The following KCNIP4 variants were observed in gnomAD, a reference collection of about 807,000 sequenced individuals.
KCNIP4 encodes potassium voltage-gated channel interacting protein 4.
Under a neutral mutation model 34.0 loss-of-function variants are expected in KCNIP4, and 12 were observed. The observed-to-expected ratio is 0.35, with a 90% CI of 0.23 to 0.57. The LOEUF (loss-of-function observed/expected upper bound fraction) is 0.57. Among genes scored for constraint, KCNIP4 ranks in the 20% least tolerant of loss-of-function variants. KCNIP4 has a pLI of 0.83. For synonymous variants in KCNIP4, 124 were observed against 102.2 expected (o/e 1.21, Z -1.29); for missense variants, 238 against 311.7 (o/e 0.76, Z 1.78).
chr4:21,558,877 T>C (rs574646909), intron 1 of KCNIP4, among the ~76,000 whole-genome samples: 16 of 152,210 alleles, frequency 1.1e-4, no homozygotes, highest in Non-Finnish European at 2.2e-4. Flanking sequence ...GCAGTTCTTC[T>C]ACTGGTTGGA....
At chr4:21,664,650 A>G (rs568246133) in intron 1 of KCNIP4, among the ~76,000 whole-genome samples, 4 of 152,222 alleles carry the variant, frequency 2.6e-5, no homozygotes, top group Admixed American at 1.3e-4. Context: ...AGGTGGCTTT[A>G]GGCAGTTTGC....
intron 1 of KCNIP4, among the ~76,000 whole-genome samples, chr4:21,124,291 T>C (rs1750427414): frequency 6.6e-6 from 1 of 152,200 alleles, no homozygotes; most frequent in African/African-American, 2.4e-5. Flanking sequence ...AAAATAGTTT[T>C]GTCTTCATGG....
At chr4:21,668,900 T>C (rs995636047) in intron 1 of KCNIP4, among the ~76,000 whole-genome samples, 3 of 152,164 alleles carry the variant, frequency 2.0e-5, no homozygotes, top group Middle Eastern at 3.2e-3. Context: ...ACTTGCGGAT[T>C]GTTTTCAATA....
intron 1 of KCNIP4, among the ~76,000 whole-genome samples, chr4:21,014,428 T>C (rs1739326211): frequency 6.6e-6 from 1 of 152,202 alleles, no homozygotes; most frequent in Non-Finnish European, 1.5e-5. Flanking sequence ...AATTTATTTT[T>C]AAAATGGAAA....
chr4:21,311,144 G>A (rs1242613989), intron 1 of KCNIP4, among the ~76,000 whole-genome samples: 7 of 152,076 alleles, frequency 4.6e-5, no homozygotes, highest in Non-Finnish European at 1.5e-5. Flanking sequence ...AGCTGTTATT[G>A]TTATTTATTG....
chr4:21,284,296 T>A (rs1762967976), intron 1 of KCNIP4, among the ~76,000 whole-genome samples: 1 of 152,230 alleles, frequency 6.6e-6, no homozygotes, highest in South Asian at 2.1e-4. Flanking sequence ...AACACATCAG[T>A]TATTAATTCA....
chr4:20,777,833 G>T (rs1756503836), intron 3 of KCNIP4, among the ~76,000 whole-genome samples: 1 of 152,198 alleles, frequency 6.6e-6, no homozygotes, highest in South Asian at 2.1e-4. Context: ...TGGAACTCAG[G>T]TCAGAGGTCA....
At chr4:21,760,497 TTATGGGTTTTAGAGAC>T (rs1307276706) in intron 1 of KCNIP4, among the ~76,000 whole-genome samples, 2 of 152,112 alleles carry the variant, frequency 1.3e-5, no homozygotes, top group African/African-American at 4.8e-5. Context: ...AACAGGCAAA[TTATGGGTTTTAGAGAC>T]TGACTTTATT....
At chr4:21,063,769 G>A (rs1744124034) in intron 1 of KCNIP4, among the ~76,000 whole-genome samples, 1 of 151,782 alleles carries the variant, frequency 6.6e-6, no homozygotes, top group South Asian at 2.1e-4. Flanking sequence ...GATACCAGTG[G>A]GAAAAAAATA....
intron 1 of KCNIP4, among the ~76,000 whole-genome samples, chr4:21,623,512 T>C (rs1745122682): frequency 1.3e-5 from 2 of 152,182 alleles, no homozygotes; most frequent in African/African-American, 2.4e-5. Flanking sequence ...TCATTCACAG[T>C]TTTTTAGCTT....
chr4:21,931,634 T>C (rs1729572073), intron 1 of KCNIP4, among the ~76,000 whole-genome samples: 1 of 152,098 alleles, frequency 6.6e-6, no homozygotes, highest in African/African-American at 2.4e-5. Flanking sequence ...TTCAAATGTA[T>C]TCAATGGTGT....
In KCNIP4 at chr4:20,934,998, T is replaced by C. The variant is rs542971854; in HGVS notation, c.62-52289A>G. Reference sequence around the variant, plus strand: ...CTTTAAGCAACATCACTCCAGTCTCTGCCTCCATCTTCACATGGCCTTCAT... The same window carrying C: ...CTTTAAGCAACATCACTCCAGTCTCCGCCTCCATCTTCACATGGCCTTCAT... On this transcript the variant is annotated intron_variant, in intron 1 of 8. Transcript: ENST00000382152. Among the ~76,000 whole-genome samples, 7 of 152,318 alleles carry C rather than the reference T, an allele frequency of 4.6e-5. No homozygotes were observed. The South Asian group carries it at 1.5e-3, about 32-fold the overall frequency.
At chr4:21,765,407 T>C (rs1311140847) in intron 1 of KCNIP4, among the ~76,000 whole-genome samples, 1 of 152,038 alleles carries the variant, frequency 6.6e-6, no homozygotes, top group Admixed American at 6.6e-5. Flanking sequence ...TGTGAGCGTG[T>C]GTAACTGTGT....
At chr4:21,066,386 A>G (rs1231243551) in intron 1 of KCNIP4, among the ~76,000 whole-genome samples, 3 of 152,170 alleles carry the variant, frequency 2.0e-5, no homozygotes, top group Non-Finnish European at 4.4e-5. Flanking sequence ...CACACACAAA[A>G]GCACCTTCTT....
chr4:21,598,878 C>T (rs1742867354), intron 1 of KCNIP4, among the ~76,000 whole-genome samples: 1 of 152,042 alleles, frequency 6.6e-6, no homozygotes, highest in African/African-American at 2.4e-5. Context: ...ATCCTCCTAG[C>T]TGATTTCCCA....
At chr4:21,615,593 A>G (rs1221041373) in intron 1 of KCNIP4, among the ~76,000 whole-genome samples, 3 of 152,084 alleles carry the variant, frequency 2.0e-5, no homozygotes, top group Non-Finnish European at 4.4e-5. Flanking sequence ...AGTAACAAAT[A>G]TTCTAGATAC....
intron 1 of KCNIP4, among the ~76,000 whole-genome samples, chr4:21,066,509 C>T (rs1157659685): frequency 6.6e-6 from 1 of 152,070 alleles, no homozygotes; most frequent in African/African-American, 2.4e-5. Flanking sequence ...ACCATCCCTC[C>T]CCCCATCCCC....
chr4:21,248,049 C>CAT (rs1443150445), intron 1 of KCNIP4, among the ~76,000 whole-genome samples: 8 of 69,072 alleles, frequency 1.2e-4, no homozygotes, highest in South Asian at 9.4e-4. Flanking sequence ...ACAGGTGGAG[C>CAT]ATATATATAT....
intron 1 of KCNIP4, among the ~76,000 whole-genome samples, chr4:21,541,448 GT>G (rs1351714160): frequency 9.2e-5 from 14 of 152,092 alleles, no homozygotes; most frequent in African/African-American, 3.4e-4. Context: ...GGCTCTGGGA[GT>G]GAGTGGAGAG....
Sources: allele counts gnomAD v4.1 joint callset (sites outside exome capture counted in the v4.1 genomes callset), GRCh38; gene constraint gnomAD v4.1.1; transcripts MANE v1.5; gene names NCBI Gene and HGNC (gene_info 2026-07-23, HGNC 2026-07-21).